CUX1: variants seen among roughly 807,000 people sequenced by gnomAD.
CUX1 encodes the protein cut like homeobox 1.
CUX1 carries 31 observed loss-of-function variants against 158.8 expected under a neutral mutation model. That is an observed-to-expected ratio of 0.20 (90% CI 0.15 to 0.26). The LOEUF is 0.26. Among genes scored for constraint, CUX1 ranks in the 10% least tolerant of loss-of-function variants. The pLI, the probability that CUX1 is intolerant of heterozygous loss-of-function variation, is 1.00. For synonymous variants in CUX1, 879 were observed against 862.1 expected (o/e 1.02, Z -0.34); for missense variants, 1,589 against 2,014.6 (o/e 0.79, Z 4.04).
At chr7:102,140,659 A>G (rs927100169) in intron 8 of CUX1, among the ~76,000 whole-genome samples, 4 of 146,772 alleles carry the variant, frequency 2.7e-5, no homozygotes, top group African/African-American at 9.9e-5. Context: ...CAGGAGTTCA[A>G]GACCAGCCTG....
At chr7:102,096,547 A>T (rs1426192979) in intron 4 of CUX1, among the ~76,000 whole-genome samples, 1 of 152,148 alleles carries the variant, frequency 6.6e-6, no homozygotes, top group African/African-American at 2.4e-5. Flanking sequence ...TTTACCAAAA[A>T]ATACAAAAAT....
intron 20 of CUX1, among the ~76,000 whole-genome samples, chr7:102,216,869 TCA>T (rs1220233286): frequency 1.4e-4 from 16 of 112,374 alleles, no homozygotes; most frequent in East Asian, 6.1e-4. Context: ...ACACATTCTC[TCA>T]CACACACATT....
At chr7:101,846,298 T>C (rs1446111588) in intron 1 of CUX1, among the ~76,000 whole-genome samples, 1 of 151,558 alleles carries the variant, frequency 6.6e-6, no homozygotes, top group African/African-American at 2.4e-5. Context: ...CGAGCCCTTT[T>C]CCAAGCCGCT....
At chr7:102,058,875 C>G (rs1007529783) in intron 3 of CUX1, among the ~76,000 whole-genome samples, 1 of 152,228 alleles carries the variant, frequency 6.6e-6, no homozygotes, top group Non-Finnish European at 1.5e-5. Flanking sequence ...CAGTAGGAAT[C>G]TGTGTCTCCC....
intron 3 of CUX1, among the ~76,000 whole-genome samples, chr7:102,030,641 C>T (rs1379733243): frequency 6.9e-6 from 1 of 145,164 alleles, no homozygotes; most frequent in Non-Finnish European, 1.5e-5. Context: ...CAGTCAGGTT[C>T]ACACATTACA....
chr7:102,281,848 G>C, exon 21 of CUX1: 1 of 1,612,472 alleles, frequency 6.2e-7, no homozygotes, highest in Non-Finnish European at 8.5e-7. Context: ...AGGGGCGTCT[G>C]GTTCTCTCCA....
At chr7:102,115,358 G>A in intron 8 of CUX1, 85 bp downstream of exon 8, 1 of 1,178,182 alleles carries the variant, frequency 8.5e-7, no homozygotes, top group South Asian at 1.4e-5. Flanking sequence ...GAAGGTTCTT[G>A]ACCTCTGTGC....
intron 2 of CUX1, among the ~76,000 whole-genome samples, chr7:101,990,859 T>C (rs1815020468): frequency 6.6e-6 from 1 of 152,180 alleles, no homozygotes; most frequent in African/African-American, 2.4e-5. Context: ...CTCCCCTGGC[T>C]CTGAGCCCTT....
intron 2 of CUX1, among the ~76,000 whole-genome samples, chr7:101,981,161 G>T (rs1489734330): frequency 6.6e-6 from 1 of 151,868 alleles, no homozygotes; most frequent in Non-Finnish European, 1.5e-5. Flanking sequence ...CCCCCGTTTT[G>T]TGAATCCTGA....
intron 14 of CUX1, among the ~76,000 whole-genome samples, chr7:102,266,049 C>T (rs1160678009): frequency 1.3e-5 from 2 of 151,942 alleles, no homozygotes; most frequent in East Asian, 3.9e-4. Context: ...ACTAAAAATA[C>T]AAAAATTAGC....
intron 8 of CUX1, among the ~76,000 whole-genome samples, chr7:102,127,590 T>TTTA (rs376615685): frequency 3.9e-5 from 6 of 152,188 alleles, no homozygotes; most frequent in Admixed American, 6.6e-5. Context: ...TTTTTTTTTT[T>TTTA]ACCTGACATG....
At chr7:101,881,502 T>C (rs887636464) in intron 1 of CUX1, among the ~76,000 whole-genome samples, 1 of 152,194 alleles carries the variant, frequency 6.6e-6, no homozygotes, top group African/African-American at 2.4e-5. Context: ...GGAGCTTGGG[T>C]CTGCAGACAA....
At chr7:102,101,318 T>G (rs1202367040) in intron 5 of CUX1, among the ~76,000 whole-genome samples, 1 of 152,150 alleles carries the variant, frequency 6.6e-6, no homozygotes, top group Non-Finnish European at 1.5e-5. Context: ...CCCTTTAGAT[T>G]CCTCTCTGTT....
At chr7:102,112,167 C>A (rs1830966586) in intron 7 of CUX1, among the ~76,000 whole-genome samples, 1 of 149,540 alleles carries the variant, frequency 6.7e-6, no homozygotes, top group South Asian at 2.1e-4. Context: ...TAATTTCAGA[C>A]CTTTAAAATT....
rs551755451 is a variant in CUX1, at chr7:102,234,485, C to T, written c.3622+245C>T. 1.2e-4 allele frequency among the ~76,000 whole-genome samples: 19 copies of T among 152,162 alleles called. 1 individual carries two copies. The South Asian group carries it at 3.9e-3, about 32-fold the overall frequency. On this transcript the variant is annotated intron_variant, in intron 22 of 23. Transcript: ENST00000292535. ...TTTTTAGCACTGGGAGCACTTTTAA[C>T]CAAGGAGAGCGAAACAGCTCTGGGG...
At chr7:102,038,984 G>A (rs1454133417) in intron 3 of CUX1, among the ~76,000 whole-genome samples, 2 of 152,006 alleles carry the variant, frequency 1.3e-5, no homozygotes, top group Non-Finnish European at 2.9e-5. Flanking sequence ...ATTTGCCCTG[G>A]AAAACCAGTT....
At chr7:102,223,298 A>T (rs1798020217) in intron 20 of CUX1, among the ~76,000 whole-genome samples, 1 of 152,178 alleles carries the variant, frequency 6.6e-6, no homozygotes. Flanking sequence ...TTTAAAAAAG[A>T]TAAATGCATC....
intron 8 of CUX1, among the ~76,000 whole-genome samples, chr7:102,141,619 C>T (rs1271715074): frequency 2.0e-5 from 3 of 151,796 alleles, no homozygotes; most frequent in Admixed American, 6.6e-5. Flanking sequence ...GCCTCTGCCA[C>T]CAAAGCTTTG....
At position 102,253,748 on chromosome 7, in the gene CUX1, A is replaced by C. The variant is rs562580014; in HGVS notation, c.*4706A>C. 46 of 985,494 alleles carry C rather than the reference A, an allele frequency of 4.7e-5. No homozygotes were observed. Among genetic ancestry groups the C allele is most frequent in the Admixed American group, 6.1e-5 (1 of 16,286 alleles). The allele number at this position is 985,494 out of a possible 1,614,324, so 61.0% of individuals were successfully genotyped here. On this transcript the variant is annotated 3_prime_UTR_variant, in exon 24 of 24. Coordinates refer to ENST00000292535, the MANE Select transcript of CUX1 (RefSeq NM_181552.4). ...AAACAAAAGCCCATAGACCTTACTCATCCCAAGGCCGACAAGCCAGCTGTA... is the reference window on the plus strand; with the variant it reads ...AAACAAAAGCCCATAGACCTTACTCCTCCCAAGGCCGACAAGCCAGCTGTA...
Sources: gnomAD v4.1 joint callset for allele counts (sites outside exome capture counted in the v4.1 genomes callset) on GRCh38, gnomAD v4.1.1 for gene constraint, MANE v1.5 for transcripts, NCBI Gene and HGNC (gene_info 2026-07-23, HGNC 2026-07-21) for gene names.